The following MAP2K6 variants were observed in gnomAD, a reference collection of about 807,000 sequenced individuals.
The protein encoded by MAP2K6 is dual specificity mitogen-activated protein kinase kinase 6.
MAP2K6 carries 16 observed loss-of-function variants against 53.7 expected under a neutral mutation model. The observed-to-expected ratio is 0.30, with a 90% CI of 0.20 to 0.45. The LOEUF (loss-of-function observed/expected upper bound fraction) is 0.45, where lower values mean the gene tolerates loss of function less well. MAP2K6 is among the 20% of genes least tolerant of loss of function. The pLI is 1.00. For synonymous variants in MAP2K6, 132 were observed against 143.1 expected (o/e 0.92, Z 0.55); for missense variants, 204 against 411.9 (o/e 0.50, Z 4.37).
chr17:69,531,066 T>C (rs887566890), intron 10 of MAP2K6, among the ~76,000 whole-genome samples: 1 of 152,154 alleles, frequency 6.6e-6, no homozygotes, highest in South Asian at 2.1e-4. Context: ...CTTTTTTTTT[T>C]TCGTGAGCTC....
chr17:69,511,474 C>T (rs1324920497), intron 2 of MAP2K6, among the ~76,000 whole-genome samples: 1 of 152,200 alleles, frequency 6.6e-6, no homozygotes, highest in African/African-American at 2.4e-5. Context: ...TGTGTGGCCC[C>T]TCTGTTTGAG....
intron 1 of MAP2K6, among the ~76,000 whole-genome samples, chr17:69,463,641 T>C (rs1907702161): frequency 6.6e-6 from 1 of 151,432 alleles, no homozygotes. Context: ...CACACATATA[T>C]GTATATACAT....
At chr17:69,488,765 G>A (rs1212751894) in intron 1 of MAP2K6, among the ~76,000 whole-genome samples, 2 of 152,124 alleles carry the variant, frequency 1.3e-5, no homozygotes, top group African/African-American at 2.4e-5. Flanking sequence ...ACTAGTAGAA[G>A]CTTGAAGGAG....
At chr17:69,432,184 T>C (rs1480327142) in intron 1 of MAP2K6, among the ~76,000 whole-genome samples, 1 of 152,238 alleles carries the variant, frequency 6.6e-6, no homozygotes, top group African/African-American at 2.4e-5. Flanking sequence ...TGTTGTGACA[T>C]GTGGCATTTT....
chr17:69,415,996 G>A (rs1905886622), intron 1 of MAP2K6, among the ~76,000 whole-genome samples: 1 of 152,154 alleles, frequency 6.6e-6, no homozygotes. Flanking sequence ...CAGACTAGGT[G>A]CTGTCAGGTG....
At chr17:69,452,551 C>T (rs1402976948) in intron 1 of MAP2K6, among the ~76,000 whole-genome samples, 1 of 152,106 alleles carries the variant, frequency 6.6e-6, no homozygotes, top group Non-Finnish European at 1.5e-5. Flanking sequence ...ATCTAGATAA[C>T]AGTAGATTCA....
intron 11 of MAP2K6, among the ~76,000 whole-genome samples, chr17:69,537,345 C>G (rs945317222): frequency 6.6e-6 from 1 of 152,282 alleles, no homozygotes. Context: ...GGAAGAGTTA[C>G]GTTCATGCAC....
intron 1 of MAP2K6, among the ~76,000 whole-genome samples, chr17:69,466,233 A>T (rs992853615): frequency 2.0e-5 from 3 of 150,874 alleles, no homozygotes; most frequent in African/African-American, 7.3e-5. Flanking sequence ...CGGAGGTTGC[A>T]GTGAGCCAAG....
At chr17:69,520,422 T>C in intron 6 of MAP2K6, 36 bp downstream of exon 6, 1 of 1,292,786 alleles carries the variant, frequency 7.7e-7, no homozygotes, top group Non-Finnish European at 1.1e-6. Flanking sequence ...AAGGATAATG[T>C]GAGAAATAAA....
At chr17:69,453,245 A>G (rs12939509) in intron 1 of MAP2K6, among the ~76,000 whole-genome samples, 33,977 of 152,170 alleles carry the variant, frequency 0.22, 4,020 homozygotes, top group Middle Eastern at 0.29. Context: ...TTTTTCTGTG[A>G]AAGGCCACAT....
intron 1 of MAP2K6, among the ~76,000 whole-genome samples, chr17:69,440,791 G>T (rs958786770): frequency 3.4e-5 from 5 of 147,326 alleles, no homozygotes; most frequent in Non-Finnish European, 7.5e-5. Flanking sequence ...AGCCTCCATT[G>T]TTTCTGATTA....
intron 1 of MAP2K6, among the ~76,000 whole-genome samples, chr17:69,482,129 G>A (rs1355754557): frequency 6.6e-6 from 1 of 152,022 alleles, no homozygotes; most frequent in Non-Finnish European, 1.5e-5. Context: ...GTCCACAAAA[G>A]TTAGGCAACT....
intron 1 of MAP2K6, among the ~76,000 whole-genome samples, chr17:69,439,548 C>G (rs1443141488): frequency 6.6e-6 from 1 of 152,156 alleles, no homozygotes; most frequent in East Asian, 1.9e-4. Context: ...TTGAGGAGGT[C>G]AAATTGCTTT....
chr17:69,523,524 T>C lies in MAP2K6; in HGVS notation c.546T>C (p.Pro182=). 1 of 1,613,970 alleles carries C rather than the reference T, an allele frequency of 6.2e-7. No individual in the cohort carries two copies. Among genetic ancestry groups the C allele is most frequent in the Non-Finnish European group, 8.5e-7 (1 of 1,179,866 alleles). The change falls in exon 8 of 12, where the codon CCT becomes CCC. Residue 182 remains proline (P), a synonymous_variant. Coordinates refer to ENST00000590474, the MANE Select transcript of MAP2K6 (RefSeq NM_002758.4). The part of the protein sequence containing the change: ...KLSVIHRDVK[P]SNVLINALGQ... ...TGTTTTCGCTTTCAGACGTCAAGCC[T>C]TCTAATGTACTCATCAATGCTCTCG...
chr17:69,482,679 A>T (rs1908389039), intron 1 of MAP2K6, among the ~76,000 whole-genome samples: 1 of 124,756 alleles, frequency 8.0e-6, no homozygotes, highest in African/African-American at 3.4e-5. Flanking sequence ...TTCCTCATTT[A>T]GCCATCTCCT....
At chr17:69,478,829 T>C (rs1908250967) in intron 1 of MAP2K6, among the ~76,000 whole-genome samples, 1 of 152,168 alleles carries the variant, frequency 6.6e-6, no homozygotes, top group South Asian at 2.1e-4. Flanking sequence ...GAAAGTGCTA[T>C]GTATTTATCT....
At chr17:69,445,003 C>T (rs1906929371) in intron 1 of MAP2K6, among the ~76,000 whole-genome samples, 1 of 152,314 alleles carries the variant, frequency 6.6e-6, no homozygotes, top group Non-Finnish European at 1.5e-5. Flanking sequence ...TCACAGCAAC[C>T]TCTGCCACCC....
At chr17:69,465,582 A>G (rs964486697) in intron 1 of MAP2K6, among the ~76,000 whole-genome samples, 2 of 151,478 alleles carry the variant, frequency 1.3e-5, no homozygotes, top group African/African-American at 2.4e-5. Flanking sequence ...TAGGGGATGC[A>G]GAGGAGGGAT....
chr17:69,500,914 A>G (rs549866776), intron 1 of MAP2K6, among the ~76,000 whole-genome samples: 3 of 152,258 alleles, frequency 2.0e-5, no homozygotes, highest in African/African-American at 7.2e-5. Flanking sequence ...TCACTTTTAC[A>G]TTGCTGTTGC....
Sources: gnomAD v4.1 joint callset for allele counts (sites outside exome capture counted in the v4.1 genomes callset) on GRCh38, gnomAD v4.1.1 for gene constraint, MANE v1.5 for transcripts, NCBI Gene and HGNC (gene_info 2026-07-23, HGNC 2026-07-21) for gene names.